FARP2: variants seen among roughly 807,000 people sequenced by gnomAD.
FARP2 encodes the protein FERM, ARHGEF and pleckstrin domain-containing protein 2.
Under a neutral mutation model 130.5 loss-of-function variants are expected in FARP2, and 111 were observed. The ratio of observed to expected loss-of-function variants is 0.85; its 90% CI spans 0.73 to 1.00. The LOEUF (loss-of-function observed/expected upper bound fraction) is 1.00. FARP2 is among the 50% of genes least tolerant of loss of function. FARP2 has a pLI of 0.00. For synonymous variants in FARP2, 504 were observed against 516.9 expected, an observed-to-expected ratio of 0.98 and a Z score of 0.34; for missense variants, 1,385 against 1,346.3, an observed-to-expected ratio of 1.03 and a Z score of -0.45.
At chr2:241,423,354 C>T (rs1355063386) in intron 8 of FARP2, among the ~76,000 whole-genome samples, 1 of 152,132 alleles carries the variant, frequency 6.6e-6, no homozygotes. Flanking sequence ...TCATATCTGG[C>T]CAAACTAAAC....
intron 2 of FARP2, among the ~76,000 whole-genome samples, chr2:241,401,458 G>A (rs936570580): frequency 2.6e-5 from 4 of 152,134 alleles, no homozygotes; most frequent in Non-Finnish European, 4.4e-5. Flanking sequence ...TATCCATGGG[G>A]CATATGTGTT....
chr2:241,425,111 G>A (rs2062899962), intron 8 of FARP2, among the ~76,000 whole-genome samples: 1 of 152,132 alleles, frequency 6.6e-6, no homozygotes, highest in Non-Finnish European at 1.5e-5. Context: ...AGAGACTGAG[G>A]AAGGAGAACC....
chr2:241,409,869 T>C (rs1248370182), intron 5 of FARP2, among the ~76,000 whole-genome samples: 3 of 152,218 alleles, frequency 2.0e-5, no homozygotes, highest in East Asian at 1.9e-4. Context: ...TTCTCTGTTA[T>C]AATGCTGCAG....
intron 2 of FARP2, among the ~76,000 whole-genome samples, chr2:241,396,430 A>G (rs1388364166): frequency 6.6e-6 from 1 of 152,064 alleles, no homozygotes; most frequent in African/African-American, 2.4e-5. Context: ...TTCACAACCT[A>G]CTCATCTGAC....
At chr2:241,409,361 G>A (rs2150359210) in intron 5 of FARP2, among the ~76,000 whole-genome samples, 1 of 152,178 alleles carries the variant, frequency 6.6e-6, no homozygotes, top group East Asian at 1.9e-4. Flanking sequence ...ACCAGCCTAG[G>A]CAACATGGGG....
At chr2:241,460,755 C>A (rs1290779983) in intron 14 of FARP2, among the ~76,000 whole-genome samples, 1 of 152,132 alleles carries the variant, frequency 6.6e-6, no homozygotes, top group Non-Finnish European at 1.5e-5. Context: ...GCCAGTGCAC[C>A]AAGAGGTGGG....
chr2:241,363,396 A>G (rs3771550), intron 1 of FARP2, among the ~76,000 whole-genome samples: 28,751 of 152,184 alleles, frequency 0.19, 2,964 homozygotes, highest in East Asian at 0.41. Context: ...ATGCAGGCAC[A>G]AGAATAGCAT....
rs760103920 is a variant in FARP2, at chr2:241,413,340, G to A, written c.542G>A (p.Arg181Gln). Residue 181 changes from arginine to glutamine, a missense_variant, in exon 7 of 27, where the codon CGA becomes CAA. Arg to Gln is a conservative substitution (Grantham distance 43, BLOSUM62 1). Transcript: ENST00000264042. ...GGAGATTACGATGAAACGCTGGACCGAGAGCACCTCAAAGTGAACGAGTAT... is the reference window on the plus strand; with the variant it reads ...GGAGATTACGATGAAACGCTGGACCAAGAGCACCTCAAAGTGAACGAGTAT... ...EIGDYDETLDREHLKVNEYLP... is the reference protein window; with the variant it reads ...EIGDYDETLDQEHLKVNEYLP... The A allele has an allele frequency of 2.5e-5, 41 of 1,611,630 alleles. No homozygotes were observed. The highest frequency in any genetic ancestry group is 6.7e-5 in the Admixed American group (4 of 59,674).
chr2:241,443,124 TCAG>T (rs2063430554), intron 13 of FARP2: 2 of 267,902 alleles, frequency 7.5e-6, no homozygotes, highest in Middle Eastern at 5.0e-4. Flanking sequence ...AGCCTTTTCT[TCAG>T]CAACCCTTTT....
At chr2:241,479,366 C>T (rs2064556856) in intron 19 of FARP2, among the ~76,000 whole-genome samples, 1 of 152,242 alleles carries the variant, frequency 6.6e-6, no homozygotes, top group Non-Finnish European at 1.5e-5. Flanking sequence ...GCCACGGCCT[C>T]ATCGGCATCC....
chr2:241,394,919 C>T lies in FARP2; in HGVS notation c.184-8909C>T, dbSNP rs1193661406. Among the ~76,000 whole-genome samples the T allele has an allele frequency of 2.0e-5, 3 of 152,182 alleles. 1 individual carries two copies. The highest frequency in any genetic ancestry group is 7.2e-5 in the African/African-American group (3 of 41,426). On this transcript the variant is annotated intron_variant, in intron 2 of 26. Transcript: ENST00000264042. ...CCTACTCAGGAGGGGCATGAGCCCTCGCTGTGTGTGATGTTTTCTGGTGAT... is the reference window on the plus strand; with the variant it reads ...CCTACTCAGGAGGGGCATGAGCCCTTGCTGTGTGTGATGTTTTCTGGTGAT...
chr2:241,442,593 G>A, intron 13 of FARP2: 1 of 373,116 alleles, frequency 2.7e-6, no homozygotes, highest in South Asian at 2.0e-5. Flanking sequence ...TTAGAGCTCA[G>A]AATTGTTTGG....
At chr2:241,484,147 G>T in intron 20 of FARP2, 95 bp from the exon 21 acceptor site, 1 of 1,574,760 alleles carries the variant, frequency 6.4e-7, no homozygotes. Flanking sequence ...GCACAGATCT[G>T]ATGTCCACAT....
intron 13 of FARP2, chr2:241,442,938 GC>G (rs2063424443): frequency 5.0e-6 from 1 of 200,694 alleles, no homozygotes; most frequent in Admixed American, 5.5e-5. Flanking sequence ...GAGCCCTGTT[GC>G]CTATAATTAA....
chr2:241,392,287 C>A lies in FARP2; in HGVS notation c.184-11541C>A, dbSNP rs576310396. Among the ~76,000 whole-genome samples the A allele has an allele frequency of 1.6e-4, 25 of 152,322 alleles. No individual in the cohort carries two copies. The South Asian group carries it at 5.2e-3, about 32-fold the overall frequency. On this transcript the variant is annotated intron_variant, in intron 2 of 26. Transcript: ENST00000264042. ...CCTTCTTGTTGTATCTCCCCAGAGC[C>A]CTCTACTGGCAAAGCCAGCTTGTGT... is the stretch of plus-strand genomic sequence containing the variant.
chr2:241,426,880 T>A (rs1208670082), intron 8 of FARP2, among the ~76,000 whole-genome samples: 1 of 152,176 alleles, frequency 6.6e-6, no homozygotes, highest in African/African-American at 2.4e-5. Context: ...CCTTTTATCA[T>A]GGTGGTCAAG....
intron 19 of FARP2, 144 bp downstream of exon 19, chr2:241,476,131 G>A: frequency 1.5e-6 from 1 of 650,164 alleles, no homozygotes; most frequent in Non-Finnish European, 2.5e-6. Flanking sequence ...TGAATACTTT[G>A]GGAGGCTGAG....
chr2:241,466,947 T>TATAAA (rs2064188709), intron 17 of FARP2, among the ~76,000 whole-genome samples: 1 of 145,220 alleles, frequency 6.9e-6, no homozygotes, highest in East Asian at 2.0e-4. Context: ...AGTGTTTTGT[T>TATAAA]AAAAAAAAAA....
Position 241,441,318 on chromosome 2 carries a change from C to T in FARP2, c.1173C>T (p.Pro391=), listed in dbSNP as rs376694774. The change falls in exon 13 of 27, where the codon CCC becomes CCT. Residue 391 remains proline, a synonymous_variant. Transcript: ENST00000264042. ...TTGGTTCCCAGAGCATCTCATTCCCCGAGGGATTGAGGACTCCTGCCTCCC... is the reference window on the plus strand; with the variant it reads ...TTGGTTCCCAGAGCATCTCATTCCCTGAGGGATTGAGGACTCCTGCCTCCC... ...ADLPKQSISF[P]EGLRTPASPS... 55 of 1,595,932 alleles carry T rather than the reference C, an allele frequency of 3.4e-5. No individual in the cohort carries two copies. The highest frequency in any genetic ancestry group is 1.7e-4 in the Middle Eastern group (1 of 6,000).
Sources: gnomAD v4.1 joint callset for allele counts (sites outside exome capture counted in the v4.1 genomes callset) on GRCh38, gnomAD v4.1.1 for gene constraint, MANE v1.5 for transcripts, NCBI Gene and HGNC (gene_info 2026-07-23, HGNC 2026-07-21) for gene names.